ZBTB2: variants seen among roughly 807,000 people sequenced by gnomAD.
The protein encoded by ZBTB2 is zinc finger and BTB domain-containing protein 2.
ZBTB2 carries 2 observed loss-of-function variants against 39.5 expected under a neutral mutation model. The ratio of observed to expected loss-of-function variants is 0.05; its 90% CI spans 0.02 to 0.16. The LOEUF (loss-of-function observed/expected upper bound fraction) is 0.16, where lower values mean the gene tolerates loss of function less well. Among genes scored for constraint, ZBTB2 ranks in the 10% least tolerant of loss-of-function variants. ZBTB2 has a pLI of 1.00. For missense variants in ZBTB2, 391 were observed against 653.0 expected (o/e 0.60, Z 4.37); for synonymous variants, 251 against 256.6 (o/e 0.98, Z 0.21).
chr6:151,390,569 G>A (rs1779270186), intron 1 of ZBTB2, among the ~76,000 whole-genome samples: 2 of 150,584 alleles, frequency 1.3e-5, no homozygotes, highest in Non-Finnish European at 3.0e-5. Context: ...AGGGAGAGAG[G>A]GAGAGGGATG....
intron 1 of ZBTB2, among the ~76,000 whole-genome samples, chr6:151,382,755 C>T (rs928638227): frequency 1.3e-5 from 2 of 151,890 alleles, no homozygotes; most frequent in Non-Finnish European, 2.9e-5. Context: ...GGGATTTTAC[C>T]ATGTTGGCCA....
intron 1 of ZBTB2, among the ~76,000 whole-genome samples, chr6:151,385,344 A>C (rs1169504474): frequency 6.6e-6 from 1 of 152,236 alleles, no homozygotes; most frequent in East Asian, 1.9e-4. Context: ...CTCCTTGATA[A>C]CAGGACATTG....
At chr6:151,373,202 T>C (rs9479022) in intron 2 of ZBTB2, among the ~76,000 whole-genome samples, 13,235 of 144,426 alleles carry the variant, frequency 0.092, 1,223 homozygotes, top group African/African-American at 0.23. Flanking sequence ...TGGACCTGAT[T>C]TTGCAGATCC....
chr6:151,383,992 C>T (rs968589400), intron 1 of ZBTB2, among the ~76,000 whole-genome samples: 9 of 152,122 alleles, frequency 5.9e-5, no homozygotes, highest in African/African-American at 2.2e-4. Context: ...AAGAAGAGTG[C>T]TGAGTTCCAG....
At chr6:151,391,049 C>G (rs972815456) in intron 1 of ZBTB2, among the ~76,000 whole-genome samples, 4 of 145,654 alleles carry the variant, frequency 2.7e-5, no homozygotes, top group Non-Finnish European at 6.1e-5. Context: ...CGCCGCCCGC[C>G]CTCTCGGCTT....
At chr6:151,384,576 G>A (rs781098589) in intron 1 of ZBTB2, among the ~76,000 whole-genome samples, 1 of 152,184 alleles carries the variant, frequency 6.6e-6, no homozygotes, top group African/African-American at 2.4e-5. Context: ...TGTCCAAGAT[G>A]ACTTCCTAGA....
chr6:151,369,806 C>T (rs1778745562), intron 2 of ZBTB2, among the ~76,000 whole-genome samples: 1 of 152,082 alleles, frequency 6.6e-6, no homozygotes, highest in South Asian at 2.1e-4. Flanking sequence ...AACCCTGTCT[C>T]TATTAAAAAT....
Position 151,375,498 on chromosome 6 carries a change from A to G in ZBTB2, c.-12-1849T>C, listed in dbSNP as rs1778887375. On this transcript the variant is annotated intron_variant, in intron 1 of 2. Coordinates refer to ENST00000325144, the MANE Select transcript of ZBTB2 (RefSeq NM_020861.3). ...AAATCCCAGCAACATTTTTTTGTAG[A>G]TATAGACAAAATTATTCTAAAATGT... Among the ~76,000 whole-genome samples, 4 of 152,242 alleles carry G rather than the reference A, an allele frequency of 2.6e-5. No homozygotes were observed. The South Asian group carries it at 8.3e-4, about 31-fold the overall frequency.
intron 1 of ZBTB2, among the ~76,000 whole-genome samples, chr6:151,389,682 G>A (rs968376991): frequency 6.6e-5 from 10 of 152,188 alleles, no homozygotes; most frequent in Non-Finnish European, 1.0e-4. Flanking sequence ...TATGATGAAA[G>A]AGCTAATGAA....
chr6:151,378,897 T>C (rs1184534126), intron 1 of ZBTB2, among the ~76,000 whole-genome samples: 1 of 152,232 alleles, frequency 6.6e-6, no homozygotes, highest in Non-Finnish European at 1.5e-5. Context: ...CAACTTGAGA[T>C]ATTTGAAGTA....
intron 1 of ZBTB2, among the ~76,000 whole-genome samples, chr6:151,382,707 C>G (rs1020827077): frequency 2.0e-4 from 30 of 152,010 alleles, no homozygotes; most frequent in African/African-American, 7.3e-4. Context: ...AGGCGCCTGC[C>G]ACCATGCCCA....
rs999514026 is a variant in ZBTB2, at chr6:151,391,515, C to CGCT, written c.-111_-109dup. ...CCCCGCCGCCGCCGCCTCTGCCTCT[C>CGCT]GCTGCTGCTGCTGCTGCTGCCGCCG... On this transcript the variant is annotated 5_prime_UTR_variant, in exon 1 of 3. Transcript: ENST00000325144. The CGCT allele has an allele frequency of 3.7e-3, 565 of 153,378 alleles. 2 individuals carry two copies. The highest frequency in any genetic ancestry group is 3.4e-3 in the Middle Eastern group (1 of 292). The allele number at this position is 153,378 out of a possible 1,614,324, so 9.5% of individuals were successfully genotyped here. A position where few individuals can be genotyped will look rare whatever the true frequency, so the allele number is the denominator to read the frequency against.
rs2114845835 is a variant in ZBTB2, at chr6:151,364,389, GAAAGA to G, written c.*1127_*1131del. The stretch of plus-strand genomic sequence containing the variant: ...GAAAATTTCAGGCATTAAGAAAGAA[GAAAGA>G]AAAAAAAACAACCAAAAACCTGGAG... On this transcript the variant is annotated 3_prime_UTR_variant, in exon 3 of 3. Transcript: ENST00000325144. 1 of 110,630 alleles carries G rather than the reference GAAAGA, an allele frequency of 9.0e-6. No individual in the cohort carries two copies. The highest frequency in any genetic ancestry group is 2.5e-4 in the South Asian group (1 of 3,988). 6.9% of individuals were successfully genotyped at this position (110,630 alleles called of 1,614,324 possible).
intron 1 of ZBTB2, among the ~76,000 whole-genome samples, chr6:151,377,161 G>C (rs907824262): frequency 6.6e-6 from 1 of 151,870 alleles, no homozygotes; most frequent in Non-Finnish European, 1.5e-5. Flanking sequence ...TGGTGGGGGG[G>C]GTGTGGGGTA....
At chr6:151,378,243 G>A (rs755670394) in intron 1 of ZBTB2, 2 of 152,074 alleles carry the variant, frequency 1.3e-5, no homozygotes, top group Admixed American at 6.6e-5. Flanking sequence ...GACTGATCAG[G>A]TCACAAATCA....
intron 1 of ZBTB2, among the ~76,000 whole-genome samples, chr6:151,376,870 T>C (rs114158422): frequency 0.015 from 2,249 of 152,314 alleles, 42 homozygotes; most frequent in African/African-American, 0.051. Context: ...TGAAAACTTA[T>C]GTTCACACAA....
chr6:151,387,441 T>G (rs1437167059), intron 1 of ZBTB2, among the ~76,000 whole-genome samples: 3 of 152,194 alleles, frequency 2.0e-5, no homozygotes, highest in Non-Finnish European at 2.9e-5. Flanking sequence ...CATTGAATCC[T>G]GAAAGGATCC....
At chr6:151,386,349 C>A (rs893143541) in intron 1 of ZBTB2, among the ~76,000 whole-genome samples, 2 of 152,210 alleles carry the variant, frequency 1.3e-5, no homozygotes, top group Middle Eastern at 3.4e-3. Flanking sequence ...GACCAGCCTG[C>A]GCAACATGAC....
chr6:151,382,225 T>A (rs536336517), intron 1 of ZBTB2, among the ~76,000 whole-genome samples: 1 of 152,238 alleles, frequency 6.6e-6, no homozygotes, highest in African/African-American at 2.4e-5. Flanking sequence ...AATCTTATTA[T>A]GGGTACATGA....
Sources: gnomAD v4.1 joint callset for allele counts (sites outside exome capture counted in the v4.1 genomes callset) on GRCh38, gnomAD v4.1.1 for gene constraint, MANE v1.5 for transcripts, NCBI Gene and HGNC (gene_info 2026-07-23, HGNC 2026-07-21) for gene names.